Variants in CDKAL1 observed in about 807,000 individuals in gnomAD.
CDKAL1 encodes the protein CDKAL1 threonylcarbamoyladenosine tRNA methylthiotransferase.
A neutral mutation model predicts 68.2 loss-of-function variants in CDKAL1; 32 were observed. The ratio of observed to expected loss-of-function variants is 0.47; its 90% CI spans 0.35 to 0.63. The LOEUF (loss-of-function observed/expected upper bound fraction) is 0.63. CDKAL1 is among the 30% of genes least tolerant of loss of function. The pLI is 0.00. For missense variants in CDKAL1, 606 were observed against 696.7 expected, an observed-to-expected ratio of 0.87 and a Z score of 1.47; for synonymous variants, 234 against 244.3, an observed-to-expected ratio of 0.96 and a Z score of 0.39.
At chr6:20,766,095 G>A (rs574319048) in intron 7 of CDKAL1, among the ~76,000 whole-genome samples, 7 of 152,180 alleles carry the variant, frequency 4.6e-5, no homozygotes, top group East Asian at 1.9e-4. Flanking sequence ...GCTTTATGGT[G>A]GCTTCAGAAT....
chr6:21,185,955 A>G lies in CDKAL1; in HGVS notation c.1300-12066A>G, dbSNP rs1019886631. On this transcript the variant is annotated intron_variant, in intron 13 of 15. Transcript: ENST00000274695. ...AAATCAGAATAAAGCATTGAGATGC[A>G]GGTGCACAGTAATACAAGTGGGCTC... 2.0e-5 allele frequency among the ~76,000 whole-genome samples: 3 copies of G among 151,580 alleles called. No individual in the cohort carries two copies. In the South Asian group the frequency reaches 6.3e-4, roughly 32 times the overall value.
intron 5 of CDKAL1, among the ~76,000 whole-genome samples, chr6:20,668,259 C>T (rs1769645213): frequency 6.6e-6 from 1 of 152,050 alleles, no homozygotes; most frequent in East Asian, 1.9e-4. Flanking sequence ...AACCAGTCAC[C>T]TCTCGACTTT....
chr6:20,860,230 A>G (rs1408527990), intron 9 of CDKAL1, among the ~76,000 whole-genome samples: 2 of 151,982 alleles, frequency 1.3e-5, no homozygotes, highest in Non-Finnish European at 2.9e-5. Context: ...GGTGCCTGCC[A>G]CCACGCCTGG....
chr6:20,610,028 A>G (rs1766549723), intron 4 of CDKAL1, among the ~76,000 whole-genome samples: 1 of 152,016 alleles, frequency 6.6e-6, no homozygotes, highest in Non-Finnish European at 1.5e-5. Flanking sequence ...AACATGCAGT[A>G]TTTGGTTTTC....
At chr6:20,779,708 T>G (rs1443505228) in intron 7 of CDKAL1, among the ~76,000 whole-genome samples, 5 of 152,142 alleles carry the variant, frequency 3.3e-5, no homozygotes, top group African/African-American at 9.7e-5. Flanking sequence ...TCTCACTCTC[T>G]CGAGTAGTTG....
intron 11 of CDKAL1, among the ~76,000 whole-genome samples, chr6:21,005,644 G>A (rs192235437): frequency 9.1e-4 from 139 of 152,234 alleles, no homozygotes; most frequent in African/African-American, 3.2e-3. Flanking sequence ...TTACTGTGGC[G>A]TCTCCATGTT....
intron 7 of CDKAL1, among the ~76,000 whole-genome samples, chr6:20,766,551 T>G (rs1774712652): frequency 6.6e-6 from 1 of 152,180 alleles, no homozygotes; most frequent in South Asian, 2.1e-4. Flanking sequence ...TGCCTACTCT[T>G]AATTACACTT....
chr6:20,966,083 T>G (rs974445769), intron 10 of CDKAL1, among the ~76,000 whole-genome samples: 1 of 150,740 alleles, frequency 6.6e-6, no homozygotes, highest in Non-Finnish European at 1.5e-5. Flanking sequence ...TTCAGGTGAT[T>G]CATGATCTAG....
chr6:20,921,666 G>C (rs878917522), intron 9 of CDKAL1, among the ~76,000 whole-genome samples: 2 of 152,184 alleles, frequency 1.3e-5, no homozygotes, highest in Admixed American at 1.3e-4. Context: ...GCCCAGCTCT[G>C]TGGCTTGATT....
intron 6 of CDKAL1, among the ~76,000 whole-genome samples, chr6:20,741,765 G>C (rs559742787): frequency 6.6e-6 from 1 of 152,060 alleles, no homozygotes; most frequent in Non-Finnish European, 1.5e-5. Context: ...GTGCTACAGT[G>C]AACATTCACA....
intron 11 of CDKAL1, among the ~76,000 whole-genome samples, chr6:21,057,214 A>G (rs9465953): frequency 0.27 from 41,003 of 151,962 alleles, 5,728 homozygotes; most frequent in South Asian, 0.36. Context: ...TTATTGGTCT[A>G]TTCAGGGATT....
At chr6:20,912,942 C>A (rs764286989) in intron 9 of CDKAL1, among the ~76,000 whole-genome samples, 1 of 150,926 alleles carries the variant, frequency 6.6e-6, no homozygotes, top group African/African-American at 2.4e-5. Flanking sequence ...AGAAATATAT[C>A]AATTTATTGT....
At chr6:20,968,737 A>T (rs1765450763) in intron 10 of CDKAL1, among the ~76,000 whole-genome samples, 1 of 151,862 alleles carries the variant, frequency 6.6e-6, no homozygotes, top group African/African-American at 2.4e-5. Context: ...CTATATCAGA[A>T]TTTCTATATG....
intron 15 of CDKAL1, among the ~76,000 whole-genome samples, chr6:21,207,625 T>C (rs547087538): frequency 5.3e-4 from 81 of 152,356 alleles, no homozygotes; most frequent in African/African-American, 1.9e-3. Flanking sequence ...TTGATTCTAC[T>C]ATTACAAAAA....
chr6:20,701,957 G>A (rs138365010), intron 5 of CDKAL1, among the ~76,000 whole-genome samples: 51 of 152,280 alleles, frequency 3.3e-4, no homozygotes, highest in Admixed American at 5.9e-4. Context: ...CTGTGATGCC[G>A]TGGTGGGAGA....
chr6:20,625,053 A>G (rs753458867), intron 4 of CDKAL1, among the ~76,000 whole-genome samples: 1 of 152,048 alleles, frequency 6.6e-6, no homozygotes, highest in Non-Finnish European at 1.5e-5. Flanking sequence ...AAAAGACAAT[A>G]TTTGTCTTTG....
intron 15 of CDKAL1, among the ~76,000 whole-genome samples, chr6:21,219,623 G>A (rs763408487): frequency 1.5e-4 from 23 of 152,144 alleles, no homozygotes; most frequent in African/African-American, 3.6e-4. Flanking sequence ...AGCACCTGCC[G>A]TCTCCTTTAT....
rs557890368 is a variant in CDKAL1, at chr6:21,170,537, C to G, written c.1300-27484C>G. ...TAGAGACAGGGTTTCACTATCTTGG[C>G]CAGGCTGGTCTTGAATTCCTGACCT... On this transcript the variant is annotated intron_variant, in intron 13 of 15. Coordinates refer to ENST00000274695, the MANE Select transcript of CDKAL1 (RefSeq NM_017774.3). Among the ~76,000 whole-genome samples the G allele has an allele frequency of 1.5e-3, 223 of 152,218 alleles. 1 individual carries two copies. Among genetic ancestry groups the G allele is most frequent in the South Asian group, 2.7e-3 (13 of 4,814 alleles).
chr6:20,599,472 A>G (rs1765988993), intron 4 of CDKAL1: 2 of 370,606 alleles, frequency 5.4e-6, no homozygotes, highest in South Asian at 2.1e-5. Context: ...TGCTATGCAA[A>G]CTTACTCATT....
Sources: gnomAD v4.1 joint callset for allele counts (sites outside exome capture counted in the v4.1 genomes callset) on GRCh38, gnomAD v4.1.1 for gene constraint, MANE v1.5 for transcripts, NCBI Gene and HGNC (gene_info 2026-07-23, HGNC 2026-07-21) for gene names.